JARID2: variants seen among roughly 807,000 people sequenced by gnomAD.
The protein encoded by JARID2 is protein Jumonji.
Under a neutral mutation model 125.6 loss-of-function variants are expected in JARID2, and 21 were observed. The ratio of observed to expected loss-of-function variants is 0.17; its 90% CI spans 0.12 to 0.24. The LOEUF is 0.24. JARID2 is among the 10% of genes least tolerant of loss of function. The pLI is 1.00. For missense variants in JARID2, 1,303 were observed against 1,639.6 expected (o/e 0.79, Z 3.55); for synonymous variants, 736 against 661.6 (o/e 1.11, Z -1.73).
At chr6:15,501,970 TTGTTTTCTC>T (rs1770760268) in intron 8 of JARID2, among the ~76,000 whole-genome samples, 1 of 152,204 alleles carries the variant, frequency 6.6e-6, no homozygotes. Flanking sequence ...CTCTGTGCGC[TTGTTTTCTC>T]TGTTTTCTAT....
intron 1 of JARID2, among the ~76,000 whole-genome samples, chr6:15,356,937 C>T (rs191566306): frequency 1.1e-3 from 116 of 105,320 alleles, no homozygotes; most frequent in African/African-American, 3.5e-3. Context: ...TCACTTGAGC[C>T]CGGGAGGCAG....
intron 2 of JARID2, among the ~76,000 whole-genome samples, chr6:15,379,982 T>A (rs1376146308): frequency 5.3e-5 from 8 of 151,604 alleles, no homozygotes; most frequent in African/African-American, 1.9e-4. Flanking sequence ...TTACTTTTTT[T>A]AAGTAGGTAT....
intron 1 of JARID2, among the ~76,000 whole-genome samples, chr6:15,330,175 G>T (rs1762660871): frequency 6.6e-6 from 1 of 152,332 alleles, no homozygotes; most frequent in East Asian, 1.9e-4. Context: ...TATAGGGGCT[G>T]TTCCCCAGGT....
intron 3 of JARID2, among the ~76,000 whole-genome samples, chr6:15,423,006 A>C (rs546733703): frequency 2.2e-3 from 171 of 76,538 alleles, no homozygotes; most frequent in Admixed American, 5.5e-3. Context: ...TTTTTTTTTT[A>C]AACATTTATT....
At chr6:15,253,670 T>G (rs556318380) in intron 1 of JARID2, among the ~76,000 whole-genome samples, 20 of 152,150 alleles carry the variant, frequency 1.3e-4, no homozygotes, top group South Asian at 6.2e-4. Flanking sequence ...TTTTACTATT[T>G]TAAGGGTGCT....
intron 2 of JARID2, among the ~76,000 whole-genome samples, chr6:15,393,924 T>A (rs1341112273): frequency 2.0e-5 from 3 of 152,022 alleles, no homozygotes; most frequent in Non-Finnish European, 4.4e-5. Context: ...AAACAAAAAC[T>A]GTAAAATTGT....
At chr6:15,266,769 C>A (rs1433072220) in intron 1 of JARID2, among the ~76,000 whole-genome samples, 1 of 152,172 alleles carries the variant, frequency 6.6e-6, no homozygotes, top group Non-Finnish European at 1.5e-5. Flanking sequence ...TTTGTTATTT[C>A]ATGTCAGAGT....
chr6:15,415,655 C>T (rs1028611376), intron 3 of JARID2, among the ~76,000 whole-genome samples: 1 of 147,990 alleles, frequency 6.8e-6, no homozygotes, highest in African/African-American at 2.5e-5. Flanking sequence ...TGACCCCCCC[C>T]ACCTCCCTCC....
chr6:15,477,375 A>T (rs1769394124), intron 5 of JARID2, among the ~76,000 whole-genome samples: 1 of 151,810 alleles, frequency 6.6e-6, no homozygotes, highest in Admixed American at 6.6e-5. Flanking sequence ...TAACAGACAA[A>T]TGCCGCCTCC....
At chr6:15,513,562 C>T (rs956688826) in intron 16 of JARID2, 140 bp downstream of exon 16, 13 of 837,904 alleles carry the variant, frequency 1.6e-5, no homozygotes, top group Admixed American at 3.1e-5. Context: ...TGTGGGACCT[C>T]GGCGGAGCTT....
In JARID2 at chr6:15,520,675, TAGG is replaced by T. The variant is rs907049263; in HGVS notation, c.*427_*429del. 7.8e-6 allele frequency: 3 copies of T among 386,930 alleles called. No homozygotes were observed. Among genetic ancestry groups the T allele is most frequent in the South Asian group, 3.4e-5 (2 of 58,238 alleles). The allele number at this position is 386,930 out of a possible 1,614,324, so 24.0% of individuals were successfully genotyped here. ...ATGTGAGCAGATTTTTTAGAAGGGA[TAGG>T]AGACACACGCGCACACACACACACA... On this transcript the variant is annotated 3_prime_UTR_variant, in exon 18 of 18. Transcript: ENST00000341776.
At chr6:15,265,440 A>G (rs560599836) in intron 1 of JARID2, among the ~76,000 whole-genome samples, 14 of 152,224 alleles carry the variant, frequency 9.2e-5, no homozygotes, top group Middle Eastern at 6.8e-3. Flanking sequence ...TAAAGCCTTA[A>G]TCATCCTCCC....
intron 1 of JARID2, among the ~76,000 whole-genome samples, chr6:15,304,319 G>A (rs201670771): frequency 1.4e-4 from 6 of 43,418 alleles, no homozygotes; most frequent in African/African-American, 4.9e-4. Flanking sequence ...CCCCCCCCCC[G>A]CCCACCCACT....
intron 2 of JARID2, among the ~76,000 whole-genome samples, chr6:15,379,612 G>A (rs753666083): frequency 7.2e-5 from 11 of 152,202 alleles, no homozygotes; most frequent in Non-Finnish European, 4.4e-5. Flanking sequence ...TGAGATTTAA[G>A]GGACCCTGGA....
chr6:15,304,743 C>T (rs56156626), intron 1 of JARID2, among the ~76,000 whole-genome samples: 4,325 of 152,260 alleles, frequency 0.028, 222 homozygotes, highest in African/African-American at 0.098. Flanking sequence ...TGCAGTAGCT[C>T]TGGCCAATTT....
chr6:15,322,862 A>G (rs1056171682), intron 1 of JARID2, among the ~76,000 whole-genome samples: 2 of 152,240 alleles, frequency 1.3e-5, no homozygotes, highest in African/African-American at 4.8e-5. Context: ...CAAACAAAAT[A>G]AAACTTTCCC....
chr6:15,428,930 A>T (rs1456405571), intron 3 of JARID2, among the ~76,000 whole-genome samples: 1 of 89,866 alleles, frequency 1.1e-5, no homozygotes, highest in Non-Finnish European at 2.1e-5. Context: ...AAAAAAACAA[A>T]CCCCCCCCCC....
intron 3 of JARID2, among the ~76,000 whole-genome samples, chr6:15,430,135 C>T (rs1248347843): frequency 2.0e-4 from 31 of 152,226 alleles, no homozygotes; most frequent in Admixed American, 2.0e-3. Context: ...ACCTCTGCAT[C>T]TATGTCCATG....
intron 2 of JARID2, among the ~76,000 whole-genome samples, chr6:15,389,240 A>C (rs1388072481): frequency 6.6e-6 from 1 of 152,174 alleles, no homozygotes; most frequent in African/African-American, 2.4e-5. Context: ...AGCTCACTGC[A>C]GCTTGCGTGC....
Sources: allele counts gnomAD v4.1 joint callset (sites outside exome capture counted in the v4.1 genomes callset), GRCh38; gene constraint gnomAD v4.1.1; transcripts MANE v1.5; gene names NCBI Gene and HGNC (gene_info 2026-07-23, HGNC 2026-07-21).